Variants in SRM observed in about 807,000 individuals in gnomAD.
The protein encoded by SRM is spermidine synthase.
A neutral mutation model predicts 39.3 loss-of-function variants in SRM; 14 were observed. The observed-to-expected ratio is 0.36, with a 90% CI of 0.24 to 0.56. The LOEUF (loss-of-function observed/expected upper bound fraction) is 0.56. Among genes scored for constraint, SRM ranks in the 20% least tolerant of loss-of-function variants. SRM has a pLI of 0.86. For missense variants in SRM, 244 were observed against 409.2 expected (o/e 0.60, Z 3.48); for synonymous variants, 195 against 173.1 (o/e 1.13, Z -0.99).
chr1:11,059,406 G>C, intron 1 of SRM, 61 bp from the exon 2 acceptor site: 1 of 1,600,200 alleles, frequency 6.2e-7, no homozygotes, highest in Non-Finnish European at 8.5e-7. Context: ...CGTACCCCAA[G>C]CCGCCCTGGG....
Position 11,056,800 on chromosome 1 carries a change from G to A in SRM, c.382-43C>T, listed in dbSNP as rs200162192. 1.3e-4 allele frequency: 204 copies of A among 1,609,852 alleles called. 1 individual carries two copies. In the African/African-American group the frequency reaches 2.3e-3, roughly 19 times the overall value. On this transcript the variant is annotated intron_variant, in intron 3 of 7. Transcript: ENST00000376957. ...GACCAGTCTGGGCCAAGGGGCTGGG[G>A]GACCTGGAGCCAGCACAGCCACGTG...
chr1:11,059,081 A>G (rs1245998554), intron 2 of SRM, 144 bp downstream of exon 2: 1 of 1,447,464 alleles, frequency 6.9e-7, no homozygotes, highest in Non-Finnish European at 9.4e-7. Context: ...AGGCCGCGTC[A>G]GTGTCGGCCC....
chr1:11,058,582 AAT>A, intron 3 of SRM: 9 of 412,054 alleles, frequency 2.2e-5, no homozygotes, highest in East Asian at 3.8e-5. Flanking sequence ...AAAAAAAAAA[AAT>A]CAGCTCAGTT....
intron 6 of SRM, 107 bp downstream of exon 6, chr1:11,055,674 C>T (rs559298662): frequency 6.5e-6 from 8 of 1,230,254 alleles, no homozygotes; most frequent in Non-Finnish European, 6.8e-6. Context: ...CTCAGCCTCC[C>T]AAAGTGCTGG....
intron 5 of SRM, 23 bp downstream of exon 5, chr1:11,055,988 A>G: frequency 7.7e-7 from 1 of 1,296,868 alleles, no homozygotes; most frequent in Non-Finnish European, 1.1e-6. Context: ...GCCCCGCCCC[A>G]GTGCTCCAGG....
rs1638872488 is a variant in SRM, at chr1:11,056,003, T to A, written c.619+8A>T. On this transcript the variant is annotated splice_region_variant and intron_variant, in intron 5 of 7. Transcript: ENST00000376957. ...GCCCCGCCCCAGTGCTCCAGGCCTGTGGCTCACCCTGGCAGCAGAGGACAC... is the reference window on the plus strand; with the variant it reads ...GCCCCGCCCCAGTGCTCCAGGCCTGAGGCTCACCCTGGCAGCAGAGGACAC... The A allele has an allele frequency of 6.2e-7, 1 of 1,607,250 alleles. No homozygotes were observed. Among genetic ancestry groups the A allele is most frequent in the Admixed American group, 1.7e-5 (1 of 59,492 alleles).
In SRM at chr1:11,059,333, G is replaced by A. The variant is rs1416213936; in HGVS notation, c.180C>T (p.Gly60=). ...DILVFRSKTY[G]NVLVLDGVIQ... ...TGACACCGTCCAACACCAGCACGTT[G>A]CCATAGGTCTTACTGCGGGCGGAGT... The change falls in exon 2 of 8, where the codon GGC becomes GGT. Residue 60 remains glycine (G), a synonymous_variant. Coordinates refer to ENST00000376957, the MANE Select transcript of SRM (RefSeq NM_003132.3). 3 of 1,613,620 alleles carry A rather than the reference G, an allele frequency of 1.9e-6. No individual in the cohort carries two copies. Among genetic ancestry groups the A allele is most frequent in the South Asian group, 1.1e-5 (1 of 91,088 alleles).
In SRM at chr1:11,055,109, C is replaced by CA. The variant is rs755147529; in HGVS notation, c.766-26dup. On this transcript the variant is annotated intron_variant, in intron 6 of 7. Coordinates refer to ENST00000376957, the MANE Select transcript of SRM (RefSeq NM_003132.3). ...TCTGGGGACCGGGCCAGGGGCACAT[C>CA]AGGGGGGGCACTTTTTTTTTTTTTT... 4 of 1,543,972 alleles carry CA rather than the reference C, an allele frequency of 2.6e-6. No individual in the cohort carries two copies. The East Asian group carries it at 6.8e-5, about 26-fold the overall frequency.
At chr1:11,055,973 ACCCCG>A (rs762399812) in intron 5 of SRM, 33 bp downstream of exon 5, 2 of 1,318,716 alleles carry the variant, frequency 1.5e-6, no homozygotes, top group Non-Finnish European at 2.1e-6. Flanking sequence ...GCCCTGCCCC[ACCCCG>A]CCCCGCCCCA....
intron 3 of SRM, chr1:11,058,572 A>AC (rs1295083106): frequency 6.8e-5 from 28 of 412,696 alleles, no homozygotes; most frequent in African/African-American, 5.8e-4. Context: ...AAAAAAAAAA[A>AC]AAAAAAAAAA....
intron 1 of SRM, 94 bp from the exon 2 acceptor site, chr1:11,059,439 C>T (rs748448299): frequency 1.2e-5 from 19 of 1,563,464 alleles, no homozygotes; most frequent in Non-Finnish European, 1.6e-5. Context: ...CCCCATCCCG[C>T]CTAGGGGTCC....
Position 11,054,729 on chromosome 1 carries a change from C to A in SRM, c.*136G>T. 2 of 1,292,648 alleles carry A rather than the reference C, an allele frequency of 1.5e-6. No individual in the cohort carries two copies. The highest frequency in any genetic ancestry group is 2.1e-6 in the Non-Finnish European group (2 of 960,628). 80.1% of individuals were successfully genotyped at this position (1,292,648 alleles called of 1,614,324 possible). ...AGTCCGCCCAGCAGGGCAGGCCGGG[C>A]AGCATTCTGGGGCTTGTAACACTTG... On this transcript the variant is annotated 3_prime_UTR_variant, in exon 8 of 8. Coordinates refer to ENST00000376957, the MANE Select transcript of SRM (RefSeq NM_003132.3). The surrounding 1 kb of genome is among the most constrained non-coding windows in gnomAD (Gnocchi z 4.8).
At position 11,059,206 on chromosome 1, in the gene SRM, C is replaced by T. The variant is rs201117550; in HGVS notation, c.288+19G>A. On this transcript the variant is annotated intron_variant, in intron 2 of 7. Transcript: ENST00000376957. ...GGGCCGCCCCTCGTCCGGCACTGTT[C>T]CAGGGGACACTGGGGTACCTTTCGC... is the stretch of plus-strand genomic sequence containing the variant. 41 of 1,613,200 alleles carry T rather than the reference C, an allele frequency of 2.5e-5. No homozygotes were observed. The highest frequency in any genetic ancestry group is 3.1e-5 in the Non-Finnish European group (36 of 1,179,932).
intron 3 of SRM, among the ~76,000 whole-genome samples, 155 bp from the exon 4 acceptor site, chr1:11,056,912 T>C (rs921168806): frequency 1.1e-4 from 17 of 152,064 alleles, no homozygotes; most frequent in African/African-American, 4.1e-4. Context: ...GGGTCTCACT[T>C]TGTGGCCCAG....
At chr1:11,056,217 C>T (rs1638876173) in intron 4 of SRM, 123 bp from the exon 5 acceptor site, 1 of 882,494 alleles carries the variant, frequency 1.1e-6, no homozygotes, top group Non-Finnish European at 1.7e-6. Context: ...GGGATCCACA[C>T]CTGAATCCCA....
chr1:11,059,938 C>A lies in SRM; in HGVS notation c.6G>T (p.Glu2Asp), dbSNP rs1231252858. 5.2e-6 allele frequency: 6 copies of A among 1,149,720 alleles called. No homozygotes were observed. The African/African-American group carries it at 9.8e-5, about 19-fold the overall frequency. 71.2% of individuals were successfully genotyped at this position (1,149,720 alleles called of 1,614,324 possible). A position where few individuals can be genotyped will look rare whatever the true frequency, so the allele number is the denominator to read the frequency against. The change falls in exon 1 of 8, where the codon GAG becomes GAT. Residue 2 changes from glutamate to aspartate, a missense_variant. By Grantham distance (45) the Glu-to-Asp change is conservative. Transcript: ENST00000376957. M[E>D]PGPDGPAASG... is the part of the protein sequence containing the mutation. Reference sequence around the variant, plus strand: ...AGGCGGCGGGGCCGTCGGGGCCGGGCTCCATGGCGGGCGGGCGGGCGGCGC... The same window carrying A: ...AGGCGGCGGGGCCGTCGGGGCCGGGATCCATGGCGGGCGGGCGGGCGGCGC...
At chr1:11,057,789 T>G (rs915949526) in intron 3 of SRM, among the ~76,000 whole-genome samples, 1 of 151,258 alleles carries the variant, frequency 6.6e-6, no homozygotes, top group African/African-American at 2.4e-5. Flanking sequence ...TTGTTGTTTG[T>G]TTTTTTTGAG....
In SRM at chr1:11,056,585, G is replaced by A. The variant is rs369451148; in HGVS notation, c.535+19C>T. 1 of 1,613,444 alleles carries A rather than the reference G, an allele frequency of 6.2e-7. No homozygotes were observed. Among genetic ancestry groups the A allele is most frequent in the African/African-American group, 1.3e-5 (1 of 75,028 alleles). The stretch of plus-strand genomic sequence containing the variant: ...GACCTGCAGCTGCCAGAAAACCCTG[G>A]GGCCCATCCACTGCTTACCCATGGG... On this transcript the variant is annotated intron_variant, in intron 4 of 7. Coordinates refer to ENST00000376957, the MANE Select transcript of SRM (RefSeq NM_003132.3).
chr1:11,058,608 G>T (rs1276413554), intron 3 of SRM, 192 bp downstream of exon 3: 2 of 406,870 alleles, frequency 4.9e-6, no homozygotes. Context: ...GTAAGAGCTC[G>T]CCACGCAGGT....
Sources: gnomAD v4.1 joint callset for allele counts (sites outside exome capture counted in the v4.1 genomes callset) on GRCh38, gnomAD v4.1.1 for gene constraint, Gnocchi (gnomAD v3.1) non-coding constraint, MANE v1.5 for transcripts, NCBI Gene and HGNC (gene_info 2026-07-23, HGNC 2026-07-21) for gene names.